EYS: variants seen among roughly 807,000 people sequenced by gnomAD.
The protein encoded by EYS is EGF-like photoreceptor maintenance factor.
In EYS, 250 loss-of-function variants were observed where a neutral mutation model predicts 282.1. That is an observed-to-expected ratio of 0.89 (90% CI 0.80 to 0.98). EYS has a LOEUF of 0.98. Ranked by LOEUF, EYS falls within the 50% of genes least tolerant of loss-of-function variation. The pLI, the probability that EYS is intolerant of heterozygous loss-of-function variation, is 0.00. For synonymous variants in EYS, 1,355 were observed against 1,282.9 expected, an observed-to-expected ratio of 1.06 and a Z score of -1.20; for missense variants, 4,016 against 3,709.0, an observed-to-expected ratio of 1.08 and a Z score of -2.15.
chr6:64,133,492 A>G (rs1774054582), intron 31 of EYS, among the ~76,000 whole-genome samples: 1 of 145,726 alleles, frequency 6.9e-6, no homozygotes, highest in South Asian at 2.1e-4. Flanking sequence ...ACACACACAC[A>G]CACACACACA....
chr6:63,721,382 T>A lies in EYS; in HGVS notation c.8649A>T (p.Thr2883=). The change falls in exon 43 of 43, where the codon ACA becomes ACT. Residue 2883 remains threonine, a synonymous_variant. Coordinates refer to ENST00000503581, the MANE Select transcript of EYS (RefSeq NM_001142800.2). ...CTGTACATTCACCTCCATTTCTGCA[T>A]GTGTTGTACCCACAGGCTGTCCCAT... ...DCDGTACGYN[T]CRNGGECTVN... 2 of 1,550,654 alleles carry A rather than the reference T, an allele frequency of 1.3e-6. No homozygotes were observed. Among genetic ancestry groups the A allele is most frequent in the Non-Finnish European group, 1.7e-6 (2 of 1,146,630 alleles).
intron 19 of EYS, among the ~76,000 whole-genome samples, chr6:64,839,835 T>C (rs55840067): frequency 6.6e-6 from 1 of 152,018 alleles, no homozygotes; most frequent in Admixed American, 6.6e-5. Flanking sequence ...GGGTCTACCT[T>C]CCAGCCTTTT....
chr6:63,721,531 G>A lies in EYS; in HGVS notation c.8500C>T (p.Pro2834Ser), dbSNP rs1009313420. The change falls in exon 43 of 43, where the codon CCC becomes TCC. Residue 2834 changes from proline (P) to serine (S), a missense_variant. Pro to Ser is a moderately conservative substitution (Grantham distance 74, BLOSUM62 -1). Coordinates refer to ENST00000503581, the MANE Select transcript of EYS (RefSeq NM_001142800.2). ...GGVSSLNLVN[P>S]MAIENEPVGF... ...ACAGGTTCATTTTCTATTGCCATGGGATTTACAAGATTTAAAGAAGATACT... is the reference window on the plus strand; with the variant it reads ...ACAGGTTCATTTTCTATTGCCATGGAATTTACAAGATTTAAAGAAGATACT... 6 of 1,551,274 alleles carry A rather than the reference G, an allele frequency of 3.9e-6. No individual in the cohort carries two copies. The highest frequency in any genetic ancestry group is 5.2e-6 in the Non-Finnish European group (6 of 1,146,670).
intron 30 of EYS, among the ~76,000 whole-genome samples, chr6:64,289,050 A>G (rs1322326450): frequency 6.6e-6 from 1 of 152,030 alleles, no homozygotes; most frequent in South Asian, 2.1e-4. Context: ...TCTAAAATGC[A>G]TATCTTAACC....
At chr6:64,589,549 G>A (rs1312182139) in intron 26 of EYS, among the ~76,000 whole-genome samples, 1 of 151,898 alleles carries the variant, frequency 6.6e-6, no homozygotes, top group Admixed American at 6.6e-5. Context: ...GCAATTACAA[G>A]GGGAGAATAG....
intron 35 of EYS, among the ~76,000 whole-genome samples, chr6:63,894,419 AG>A (rs1160579075): frequency 6.6e-6 from 1 of 152,142 alleles, no homozygotes; most frequent in Non-Finnish European, 1.5e-5. Flanking sequence ...CTAGGAGTCA[AG>A]GAACACTGAG....
intron 5 of EYS, among the ~76,000 whole-genome samples, chr6:65,426,817 T>C (rs1426423921): frequency 6.6e-6 from 1 of 152,168 alleles, no homozygotes; most frequent in Non-Finnish European, 1.5e-5. Context: ...TAATAAGTTA[T>C]AAACCTTAAT....
At chr6:63,937,345 C>CTTTTTTTTTTTTTTTTTTTTTTT in intron 35 of EYS, among the ~76,000 whole-genome samples, 2 of 54,500 alleles carry the variant, frequency 3.7e-5, no homozygotes, top group Middle Eastern at 0.013. Context: ...TCTCTCTTTT[C>CTTTTTTTTTTTTTTTTTTTTTTT]TTTTTTTTTT....
intron 5 of EYS, among the ~76,000 whole-genome samples, chr6:65,433,142 C>G (rs929621876): frequency 2.0e-5 from 3 of 151,954 alleles, no homozygotes; most frequent in South Asian, 2.1e-4. Context: ...GTCTATTGAG[C>G]CTTTTCAGGT....
chr6:64,437,217 A>G (rs1417628464), intron 27 of EYS, among the ~76,000 whole-genome samples: 2 of 151,708 alleles, frequency 1.3e-5, no homozygotes, highest in Non-Finnish European at 3.0e-5. Context: ...GTAGGATTGT[A>G]GGTGAAAATA....
In EYS at chr6:64,821,736, A is replaced by T. The variant is rs1389539447; in HGVS notation, c.3165-13T>A. The T allele has an allele frequency of 7.0e-7, 1 of 1,424,828 alleles. No individual in the cohort carries two copies. The highest frequency in any genetic ancestry group is 1.4e-5 in the African/African-American group (1 of 69,918). 88.3% of individuals were successfully genotyped at this position (1,424,828 alleles called of 1,614,324 possible). ...AAGTTCTGTGCACCTGAAACACAGA[A>T]TTAGAATTACATTTTCAAATAAGTA... is the stretch of plus-strand genomic sequence containing the variant. On this transcript the variant is annotated splice_polypyrimidine_tract_variant and intron_variant, in intron 20 of 42. Transcript: ENST00000503581.
chr6:64,216,497 T>C (rs1388728523), intron 31 of EYS, among the ~76,000 whole-genome samples: 3 of 152,166 alleles, frequency 2.0e-5, no homozygotes, highest in African/African-American at 4.8e-5. Flanking sequence ...CAAGTGGTCA[T>C]AGGGGGATAT....
chr6:65,004,817 A>C (rs1432339051), intron 13 of EYS, among the ~76,000 whole-genome samples: 1 of 147,652 alleles, frequency 6.8e-6, no homozygotes, highest in East Asian at 2.1e-4. Flanking sequence ...CCTCTACATT[A>C]CAATTTAAGA....
At chr6:63,985,366 C>A (rs1767307503) in intron 34 of EYS, among the ~76,000 whole-genome samples, 1 of 151,652 alleles carries the variant, frequency 6.6e-6, no homozygotes, top group Non-Finnish European at 1.5e-5. Context: ...CCCTACAGTT[C>A]TTTAGTTTCT....
intron 12 of EYS, among the ~76,000 whole-genome samples, chr6:65,110,782 T>C (rs971293114): frequency 1.3e-5 from 2 of 152,168 alleles, no homozygotes; most frequent in African/African-American, 4.8e-5. Context: ...GCTAAACTGA[T>C]AAAACTTGTC....
intron 19 of EYS, among the ~76,000 whole-genome samples, chr6:64,844,513 A>G (rs184718043): frequency 1.1e-3 from 168 of 152,142 alleles, no homozygotes; most frequent in Middle Eastern, 0.01. Flanking sequence ...TGAGCAAGTA[A>G]ATCTGTCTCT....
chr6:64,945,683 T>G, intron 15 of EYS, 110 bp downstream of exon 15: 1 of 1,010,936 alleles, frequency 9.9e-7, no homozygotes, highest in East Asian at 2.8e-5. Context: ...CATTGCTGGA[T>G]GGTTATTTTA....
chr6:65,058,306 A>T (rs1773475137), intron 12 of EYS, among the ~76,000 whole-genome samples: 1 of 151,990 alleles, frequency 6.6e-6, no homozygotes, highest in Non-Finnish European at 1.5e-5. Context: ...ACACACCACC[A>T]TGCCAGGCTA....
intron 22 of EYS, among the ~76,000 whole-genome samples, chr6:64,659,445 G>C (rs943990581): frequency 2.6e-5 from 4 of 151,864 alleles, no homozygotes; most frequent in African/African-American, 4.8e-5. Flanking sequence ...ATGAATCCAG[G>C]AGCTGGTTTT....
Sources: allele counts gnomAD v4.1 joint callset (sites outside exome capture counted in the v4.1 genomes callset), GRCh38; gene constraint gnomAD v4.1.1; transcripts MANE v1.5; gene names NCBI Gene and HGNC (gene_info 2026-07-23, HGNC 2026-07-21).